TRIO: variants seen among roughly 807,000 people sequenced by gnomAD.
TRIO encodes triple functional domain protein.
A neutral mutation model predicts 351.9 loss-of-function variants in TRIO; 58 were observed. That is an observed-to-expected ratio of 0.16 (90% CI 0.13 to 0.21). TRIO has a LOEUF of 0.21. TRIO is among the 10% of genes least tolerant of loss of function. The pLI is 1.00. For missense variants in TRIO, 3,201 were observed against 4,027.8 expected (o/e 0.79, Z 5.56); for synonymous variants, 1,758 against 1,595.7 (o/e 1.10, Z -2.42).
chr5:14,282,162 T>C (rs1223742146), intron 3 of TRIO, among the ~76,000 whole-genome samples: 2 of 152,242 alleles, frequency 1.3e-5, no homozygotes, highest in Admixed American at 6.5e-5. Flanking sequence ...TTTCTTCTTC[T>C]GGTATTTCTT....
chr5:14,349,843 C>A (rs775671415), intron 11 of TRIO, among the ~76,000 whole-genome samples: 1 of 152,080 alleles, frequency 6.6e-6, no homozygotes, highest in Non-Finnish European at 1.5e-5. Context: ...GCATAGTACC[C>A]AATAGGTATT....
At chr5:14,207,577 T>A (rs2152186882) in intron 1 of TRIO, among the ~76,000 whole-genome samples, 1 of 146,742 alleles carries the variant, frequency 6.8e-6, no homozygotes, top group African/African-American at 2.5e-5. Context: ...TGTGGTGGCA[T>A]GCACCTGTAG....
intron 1 of TRIO, among the ~76,000 whole-genome samples, chr5:14,195,417 A>G (rs893351817): frequency 2.0e-5 from 3 of 152,174 alleles, no homozygotes; most frequent in Non-Finnish European, 2.9e-5. Flanking sequence ...TGCCTGTCCT[A>G]TGGGTGATGA....
intron 2 of TRIO, 94 bp from the exon 3 acceptor site, chr5:14,280,228 G>A (rs1033291765): frequency 1.2e-5 from 15 of 1,218,968 alleles, no homozygotes; most frequent in Non-Finnish European, 1.7e-5. Flanking sequence ...TTGTGTAGTT[G>A]CTTTAGGAAT....
chr5:14,241,914 T>C (rs900109371), intron 1 of TRIO, among the ~76,000 whole-genome samples: 8 of 152,204 alleles, frequency 5.3e-5, no homozygotes, highest in Admixed American at 5.2e-4. Context: ...TTGAGTGCTA[T>C]GATTTTTGAA....
chr5:14,507,003 T>G, intron 55 of TRIO, 119 bp from the exon 56 acceptor site: 1,099 of 1,320,322 alleles, frequency 8.3e-4, no homozygotes, highest in Non-Finnish European at 9.9e-4. Flanking sequence ...GGCACGGCCC[T>G]GAGATCCCGA....
chr5:14,185,142 T>C (rs1247418468), intron 1 of TRIO, among the ~76,000 whole-genome samples: 2 of 142,654 alleles, frequency 1.4e-5, no homozygotes, highest in South Asian at 2.5e-4. Flanking sequence ...CCCCATAAAA[T>C]TCGCCCCCCT....
chr5:14,223,306 TC>T (rs1278086713), intron 1 of TRIO, among the ~76,000 whole-genome samples: 1 of 152,178 alleles, frequency 6.6e-6, no homozygotes, highest in Non-Finnish European at 1.5e-5. Context: ...TCTTTTGAGT[TC>T]CCCCAGAAAA....
rs1756941252 is a variant in TRIO at position 14,497,018 on chromosome 5, G to GT, written c.8019+2dup. The GT allele has an allele frequency of 6.2e-7, 1 of 1,614,166 alleles. No homozygotes were observed. The highest frequency in any genetic ancestry group is 8.5e-7 in the Non-Finnish European group (1 of 1,180,012). ...ACTCAGCAACAAGGTATCTGTGAAG[G>GT]TGTGTTCGGGGGTCTTCAGGAGTCC... On this transcript the variant is annotated splice_donor_variant, in intron 50 of 56. Coordinates refer to ENST00000344204, the MANE Select transcript of TRIO (RefSeq NM_007118.4). LOFTEE classifies it high-confidence loss of function. The surrounding 1 kb of genome is among the most constrained non-coding windows in gnomAD (Gnocchi z 4.4).
chr5:14,440,288 T>G (rs1193023596), intron 34 of TRIO, among the ~76,000 whole-genome samples: 3 of 152,142 alleles, frequency 2.0e-5, no homozygotes, highest in African/African-American at 7.2e-5. Context: ...CCAGGTGACT[T>G]TTCGTCAGAC....
intron 1 of TRIO, among the ~76,000 whole-genome samples, chr5:14,237,301 T>C (rs1205309489): frequency 6.6e-6 from 1 of 152,248 alleles, no homozygotes; most frequent in African/African-American, 2.4e-5. Flanking sequence ...TATTTCAGAC[T>C]TTGGAGCATT....
chr5:14,207,052 A>G (rs1458206710), intron 1 of TRIO, among the ~76,000 whole-genome samples: 1 of 152,192 alleles, frequency 6.6e-6, no homozygotes, highest in South Asian at 2.1e-4. Context: ...TTTGTTAGAT[A>G]AGATACAGAA....
intron 1 of TRIO, among the ~76,000 whole-genome samples, chr5:14,175,085 A>T (rs914416869): frequency 1.3e-5 from 2 of 152,198 alleles, no homozygotes; most frequent in Non-Finnish European, 2.9e-5. Context: ...TTTTCTGGTT[A>T]AGTTTCTCTA....
At chr5:14,405,283 T>C (rs905635738) in intron 31 of TRIO, among the ~76,000 whole-genome samples, 1 of 152,154 alleles carries the variant, frequency 6.6e-6, no homozygotes, top group African/African-American at 2.4e-5. Flanking sequence ...CACACCTCAG[T>C]TGCTCATTTA....
intron 8 of TRIO, among the ~76,000 whole-genome samples, chr5:14,310,250 G>A (rs1738799199): frequency 6.6e-6 from 1 of 152,230 alleles, no homozygotes; most frequent in African/African-American, 2.4e-5. Flanking sequence ...TCATCTCAGT[G>A]TGCCTGTGTT....
rs1366518061 is a variant in TRIO, at chr5:14,497,788, A to G, written c.8020-59A>G. The G allele has an allele frequency of 3.1e-6, 5 of 1,607,200 alleles. No individual in the cohort carries two copies. The Admixed American group carries it at 6.7e-5, about 21-fold the overall frequency. On this transcript the variant is annotated intron_variant, in intron 50 of 56. Coordinates refer to ENST00000344204, the MANE Select transcript of TRIO (RefSeq NM_007118.4). The surrounding 1 kb of genome is among the most constrained non-coding windows in gnomAD (Gnocchi z 4.4). ...ACAATAATTGTAGCCCTGGAATGAA[A>G]GGAATACACCTTAAAGTAGCTCATT...
At chr5:14,318,951 C>T (rs151277327) in intron 9 of TRIO, among the ~76,000 whole-genome samples, 108 of 152,238 alleles carry the variant, frequency 7.1e-4, no homozygotes, top group African/African-American at 2.3e-3. Context: ...TCTCATGGCT[C>T]TTCTTTCTCT....
In TRIO at chr5:14,389,403, G is replaced by T. The variant is rs1314972833; in HGVS notation, c.4058+5G>T. 1 of 1,602,178 alleles carries T rather than the reference G, an allele frequency of 6.2e-7. No individual in the cohort carries two copies. Among genetic ancestry groups the T allele is most frequent in the South Asian group, 1.1e-5 (1 of 89,278 alleles). On this transcript the variant is annotated splice_donor_5th_base_variant and intron_variant, in intron 25 of 56. Transcript: ENST00000344204. ...AATCTACGAATTTCATAATAAGTGA[G>T]TGGCTTTTTCTTTGGGAGCAGTTAC...
chr5:14,330,102 A>T (rs959654168), intron 9 of TRIO, among the ~76,000 whole-genome samples: 5 of 152,236 alleles, frequency 3.3e-5, no homozygotes, highest in African/African-American at 1.2e-4. Context: ...AGACCCAATG[A>T]ACTACTCAGT....
Sources: gnomAD v4.1 joint callset for allele counts (sites outside exome capture counted in the v4.1 genomes callset) on GRCh38, gnomAD v4.1.1 for gene constraint, Gnocchi (gnomAD v3.1) non-coding constraint, MANE v1.5 for transcripts, NCBI Gene and HGNC (gene_info 2026-07-23, HGNC 2026-07-21) for gene names.